DOCK4: variants seen among roughly 807,000 people sequenced by gnomAD.
The protein encoded by DOCK4 is dedicator of cytokinesis 4.
A neutral mutation model predicts 268.1 loss-of-function variants in DOCK4; 97 were observed. The ratio of observed to expected loss-of-function variants is 0.36; its 90% confidence interval spans 0.31 to 0.43. DOCK4 has a LOEUF of 0.43. Among genes scored for constraint, DOCK4 ranks in the 20% least tolerant of loss-of-function variants. The probability of loss-of-function intolerance (pLI) is 1.00; values close to 1 mark genes in which losing one functional copy is unlikely to be tolerated. For missense variants in DOCK4, 2,145 were observed against 2,455.7 expected (o/e 0.87, Z 2.67); for synonymous variants, 954 against 887.2 (o/e 1.08, Z -1.34).
At chr7:111,988,513 AG>A (rs1320703083) in intron 6 of DOCK4, among the ~76,000 whole-genome samples, 1 of 152,202 alleles carries the variant, frequency 6.6e-6, no homozygotes, top group African/African-American at 2.4e-5. Context: ...TCCTCAAAGT[AG>A]CTAATGTGTA....
At chr7:111,940,503 T>A (rs984937261) in intron 10 of DOCK4, among the ~76,000 whole-genome samples, 1 of 152,236 alleles carries the variant, frequency 6.6e-6, no homozygotes, top group Non-Finnish European at 1.5e-5. Flanking sequence ...AGATCCCATG[T>A]TTGGGAACCA....
chr7:112,025,890 G>A (rs940789681), intron 1 of DOCK4, among the ~76,000 whole-genome samples: 23 of 152,172 alleles, frequency 1.5e-4, no homozygotes, highest in African/African-American at 5.3e-4. Flanking sequence ...CCACCATAAA[G>A]CCTTCCCTGG....
At chr7:111,842,081 T>G (rs1803741959) in intron 25 of DOCK4, among the ~76,000 whole-genome samples, 1 of 152,202 alleles carries the variant, frequency 6.6e-6, no homozygotes, top group African/African-American at 2.4e-5. Context: ...GAAGGAGACA[T>G]CCTTCCTCTT....
At chr7:111,788,948 T>A (rs1799353531) in intron 31 of DOCK4, 1 of 595,008 alleles carries the variant, frequency 1.7e-6, no homozygotes, top group Non-Finnish European at 3.0e-6. Context: ...TTCACACTCC[T>A]GGCTGGGTAG....
At chr7:111,841,967 T>A (rs1253731061) in intron 25 of DOCK4, among the ~76,000 whole-genome samples, 1 of 152,262 alleles carries the variant, frequency 6.6e-6, no homozygotes, top group Non-Finnish European at 1.5e-5. Flanking sequence ...TCTTTAACTA[T>A]GCCCAGCATT....
intron 23 of DOCK4, among the ~76,000 whole-genome samples, chr7:111,858,755 A>G (rs1323511734): frequency 6.6e-6 from 1 of 151,042 alleles, no homozygotes; most frequent in African/African-American, 2.4e-5. Context: ...TTTCCTTATG[A>G]CTCCTTTCCT....
At chr7:112,061,440 A>G (rs1313123352) in intron 1 of DOCK4, among the ~76,000 whole-genome samples, 1 of 152,148 alleles carries the variant, frequency 6.6e-6, no homozygotes, top group African/African-American at 2.4e-5. Context: ...TTCACAAGGT[A>G]GCTCAAGACA....
chr7:112,014,171 C>T (rs562719420), intron 1 of DOCK4, among the ~76,000 whole-genome samples: 5 of 152,304 alleles, frequency 3.3e-5, no homozygotes, highest in South Asian at 2.1e-4. Context: ...AAGTTTCCTA[C>T]GTTTTCTGTT....
At chr7:111,921,842 C>T (rs551836252) in intron 12 of DOCK4, among the ~76,000 whole-genome samples, 1 of 152,162 alleles carries the variant, frequency 6.6e-6, no homozygotes, top group Non-Finnish European at 1.5e-5. Context: ...AACAAATTAG[C>T]TTCCATCAAA....
At chr7:111,817,485 G>A (rs1244439971) in intron 27 of DOCK4, among the ~76,000 whole-genome samples, 1 of 152,106 alleles carries the variant, frequency 6.6e-6, no homozygotes, top group Non-Finnish European at 1.5e-5. Flanking sequence ...TGCTCTAAGT[G>A]CGGGAAGCTT....
At chr7:111,869,382 T>A in intron 21 of DOCK4, 192 bp downstream of exon 21, 1 of 551,122 alleles carries the variant, frequency 1.8e-6, no homozygotes, top group Non-Finnish European at 3.4e-6. Context: ...CAGTTTCCAG[T>A]AGACTACCCT....
At chr7:111,827,725 G>T (rs1398016878) in intron 26 of DOCK4, among the ~76,000 whole-genome samples, 2 of 152,168 alleles carry the variant, frequency 1.3e-5, no homozygotes, top group Admixed American at 1.3e-4. Flanking sequence ...ACAGTAGTTT[G>T]AAGTGGCTGG....
At chr7:111,763,859 C>T (rs561022074) in intron 39 of DOCK4, among the ~76,000 whole-genome samples, 32 of 152,302 alleles carry the variant, frequency 2.1e-4, no homozygotes, top group African/African-American at 7.7e-4. Context: ...TCTGACTTTG[C>T]CATTTTTTAA....
chr7:112,150,079 A>G (rs985821420), intron 1 of DOCK4, among the ~76,000 whole-genome samples: 9 of 152,222 alleles, frequency 5.9e-5, no homozygotes, highest in Non-Finnish European at 1.2e-4. Flanking sequence ...ATAGGCTTAG[A>G]GAAGTAATGT....
intron 39 of DOCK4, among the ~76,000 whole-genome samples, chr7:111,763,998 T>C (rs956269711): frequency 3.9e-5 from 6 of 152,234 alleles, no homozygotes; most frequent in Non-Finnish European, 7.3e-5. Flanking sequence ...GCTGCTGTTT[T>C]TGATCAGGAA....
intron 1 of DOCK4, among the ~76,000 whole-genome samples, chr7:112,081,432 G>C (rs753077924): frequency 9.3e-5 from 14 of 151,344 alleles, no homozygotes; most frequent in Non-Finnish European, 1.5e-4. Flanking sequence ...GGTGAGGACA[G>C]AGTCCTTGAG....
At chr7:112,125,832 C>G (rs536650448) in intron 1 of DOCK4, among the ~76,000 whole-genome samples, 12 of 151,938 alleles carry the variant, frequency 7.9e-5, no homozygotes, top group Admixed American at 6.5e-4. Flanking sequence ...TTTTTTGAGA[C>G]AGGGTCTCAC....
chr7:111,993,581 A>C (rs1799701387), intron 5 of DOCK4, among the ~76,000 whole-genome samples: 1 of 152,236 alleles, frequency 6.6e-6, no homozygotes, highest in African/African-American at 2.4e-5. Flanking sequence ...AAGATACTGC[A>C]TCAAAGAGTA....
chr7:112,076,210 A>G (rs1808054613), intron 1 of DOCK4, among the ~76,000 whole-genome samples: 1 of 152,078 alleles, frequency 6.6e-6, no homozygotes, highest in Admixed American at 6.6e-5. Flanking sequence ...TTTTACTTTT[A>G]TATGCCCTTG....
Sources: gnomAD v4.1 joint callset for allele counts (sites outside exome capture counted in the v4.1 genomes callset) on GRCh38, gnomAD v4.1.1 for gene constraint, MANE v1.5 for transcripts, NCBI Gene and HGNC (gene_info 2026-07-23, HGNC 2026-07-21) for gene names.